Variants in RAB6A observed in about 807,000 individuals in gnomAD.
The protein encoded by RAB6A is ras-related protein Rab-6A.
In RAB6A, 8 loss-of-function variants were observed where a neutral mutation model predicts 32.3. The ratio of observed to expected loss-of-function variants is 0.25; its 90% CI spans 0.15 to 0.45. The LOEUF is 0.45. Ranked by LOEUF, RAB6A falls within the 20% of genes least tolerant of loss-of-function variation. The pLI is 1.00. For missense variants in RAB6A, 104 were observed against 249.4 expected, an observed-to-expected ratio of 0.42 and a Z score of 3.93; for synonymous variants, 73 against 82.1, an observed-to-expected ratio of 0.89 and a Z score of 0.60.
At chr11:73,756,284 G>A (rs1398818903) in intron 1 of RAB6A, among the ~76,000 whole-genome samples, 1 of 152,188 alleles carries the variant, frequency 6.6e-6, no homozygotes, top group Non-Finnish European at 1.5e-5. Flanking sequence ...AGCCTGGGAG[G>A]TGGAGGGTGC....
In RAB6A at chr11:73,731,729, T is replaced by C. The variant is rs1284868084; in HGVS notation, c.71-906A>G. 0.013 allele frequency among the ~76,000 whole-genome samples: 96 copies of C among 7,542 alleles called. 2 individuals carry two copies. The Middle Eastern group carries it at 0.14, about 11-fold the overall frequency. 4.9% of individuals were successfully genotyped at this position (7,542 alleles called of 152,430 possible). On this transcript the variant is annotated intron_variant, in intron 1 of 7. Transcript: ENST00000336083. ...ATATATATATATATATATATATATA[T>C]ATACACACACACACACATATTTTCT...
chr11:73,694,408 T>G (rs551584699), intron 6 of RAB6A, among the ~76,000 whole-genome samples: 161 of 152,356 alleles, frequency 1.1e-3, no homozygotes, highest in African/African-American at 3.8e-3. Context: ...AAAGCTCGTA[T>G]TTTTTATAAT....
intron 1 of RAB6A, among the ~76,000 whole-genome samples, chr11:73,748,130 G>A (rs1019209554): frequency 1.3e-5 from 2 of 152,052 alleles, no homozygotes; most frequent in African/African-American, 4.8e-5. Flanking sequence ...GTATTCTAAT[G>A]GTGATTTTTA....
At chr11:73,727,826 CA>C (rs1277382823) in intron 2 of RAB6A, among the ~76,000 whole-genome samples, 1 of 152,124 alleles carries the variant, frequency 6.6e-6, no homozygotes. Context: ...CAGCCTTAAT[CA>C]GATTAACATT....
At chr11:73,692,375 C>T (rs889531398) in intron 6 of RAB6A, among the ~76,000 whole-genome samples, 1 of 151,024 alleles carries the variant, frequency 6.6e-6, no homozygotes. Context: ...TGGTGGCAGG[C>T]GCCTGTAGTC....
chr11:73,700,883 G>A (rs1945734511), intron 6 of RAB6A, among the ~76,000 whole-genome samples: 1 of 152,122 alleles, frequency 6.6e-6, no homozygotes, highest in South Asian at 2.1e-4. Flanking sequence ...GTTAAGCACA[G>A]GACATTTTTA....
chr11:73,728,646 T>TAATAATAATAATAAA (rs1253118702), intron 2 of RAB6A, among the ~76,000 whole-genome samples: 5 of 148,142 alleles, frequency 3.4e-5, no homozygotes, highest in Non-Finnish European at 5.9e-5. Flanking sequence ...ATAATAATAA[T>TAATAATAATAATAAA]AAATGAAATA....
At chr11:73,739,282 A>C (rs865781434) in intron 1 of RAB6A, among the ~76,000 whole-genome samples, 4 of 15,340 alleles carry the variant, frequency 2.6e-4, no homozygotes, top group African/African-American at 5.5e-4. Context: ...AAAAAAAAAA[A>C]AAATATATAT....
At chr11:73,753,712 AAAAAAAAC>A (rs915422213) in intron 1 of RAB6A, among the ~76,000 whole-genome samples, 9 of 151,706 alleles carry the variant, frequency 5.9e-5, no homozygotes, top group Non-Finnish European at 1.0e-4. Flanking sequence ...TTCCGTCTGA[AAAAAAAAC>A]AAAAAAACAA....
chr11:73,693,556 CTTT>C (rs891656563), intron 6 of RAB6A, among the ~76,000 whole-genome samples: 3 of 119,016 alleles, frequency 2.5e-5, no homozygotes, highest in South Asian at 5.9e-4. Flanking sequence ...AAGACTCCAT[CTTT>C]TTTTTTTTTT....
intron 6 of RAB6A, among the ~76,000 whole-genome samples, chr11:73,701,312 A>C (rs533313259): frequency 2.0e-4 from 31 of 152,350 alleles, no homozygotes; most frequent in African/African-American, 7.2e-4. Context: ...AAACATACAC[A>C]GCTGAGAAAA....
chr11:73,680,413 T>G (rs761271508), intron 6 of RAB6A, among the ~76,000 whole-genome samples: 1 of 152,192 alleles, frequency 6.6e-6, no homozygotes, highest in East Asian at 1.9e-4. Context: ...TCCCAGCACT[T>G]TGGGAGGCCA....
chr11:73,704,696 T>C (rs766583511), intron 6 of RAB6A, among the ~76,000 whole-genome samples: 4 of 135,544 alleles, frequency 3.0e-5, no homozygotes, highest in Non-Finnish European at 4.7e-5. Flanking sequence ...AAAAAATAAA[T>C]AAATAAAAAA....
At chr11:73,726,282 C>T (rs1197736296) in intron 2 of RAB6A, among the ~76,000 whole-genome samples, 1 of 133,698 alleles carries the variant, frequency 7.5e-6, no homozygotes, top group South Asian at 2.4e-4. Flanking sequence ...AAGACTCCGT[C>T]TCAAAAAAAA....
intron 6 of RAB6A, among the ~76,000 whole-genome samples, chr11:73,694,414 A>T (rs1384455237): frequency 6.6e-6 from 1 of 152,268 alleles, no homozygotes; most frequent in Non-Finnish European, 1.5e-5. Flanking sequence ...CGTATTTTTT[A>T]TAATACCTAA....
chr11:73,704,006 GCAA>G (rs1301041018), intron 6 of RAB6A, among the ~76,000 whole-genome samples: 2 of 150,440 alleles, frequency 1.3e-5, no homozygotes, highest in African/African-American at 2.5e-5. Context: ...TCCAGCCTGG[GCAA>G]CAGAGGGAGA....
intron 1 of RAB6A, among the ~76,000 whole-genome samples, chr11:73,735,500 T>C (rs1015333458): frequency 1.3e-5 from 2 of 152,112 alleles, no homozygotes; most frequent in Non-Finnish European, 2.9e-5. Context: ...ATGTTGTGAA[T>C]GGGGGCAGTC....
chr11:73,757,306 C>A (rs1042105223), intron 1 of RAB6A, among the ~76,000 whole-genome samples: 5 of 149,992 alleles, frequency 3.3e-5, no homozygotes, highest in African/African-American at 7.4e-5. Context: ...CGCCATCATA[C>A]CTGGATAATT....
At chr11:73,710,947 C>A (rs1488638466) in intron 5 of RAB6A, among the ~76,000 whole-genome samples, 1 of 151,766 alleles carries the variant, frequency 6.6e-6, no homozygotes, top group African/African-American at 2.4e-5. Flanking sequence ...CCTTTTTGGC[C>A]CTGATTTATA....
Sources: gnomAD v4.1 joint callset for allele counts (sites outside exome capture counted in the v4.1 genomes callset) on GRCh38, gnomAD v4.1.1 for gene constraint, MANE v1.5 for transcripts, NCBI Gene and HGNC (gene_info 2026-07-23, HGNC 2026-07-21) for gene names.